The following ASH1L variants were observed in gnomAD, a reference collection of about 807,000 sequenced individuals.
ASH1L encodes ASH1 like histone lysine methyltransferase.
Under a neutral mutation model 269.0 loss-of-function variants are expected in ASH1L, and 23 were observed. The observed-to-expected ratio is 0.09, with a 90% CI of 0.06 to 0.12. The LOEUF (loss-of-function observed/expected upper bound fraction) is 0.12. ASH1L is among the 10% of genes least tolerant of loss of function. ASH1L has a pLI of 1.00. For missense variants in ASH1L, 2,912 were observed against 3,567.8 expected (o/e 0.82, Z 4.68); for synonymous variants, 1,187 against 1,253.5 (o/e 0.95, Z 1.12).
At chr1:155,522,628 T>C (rs1427748222) in intron 1 of ASH1L, among the ~76,000 whole-genome samples, 1 of 152,126 alleles carries the variant, frequency 6.6e-6, no homozygotes, top group East Asian at 1.9e-4. Context: ...ACTCCCATTT[T>C]AAATATAAAG....
chr1:155,446,203 A>C (rs1206173107), intron 4 of ASH1L, among the ~76,000 whole-genome samples: 2 of 151,476 alleles, frequency 1.3e-5, no homozygotes, highest in Non-Finnish European at 2.9e-5. Context: ...TTTATTATAC[A>C]GATCCCGTAC....
chr1:155,491,636 CTCTT>C (rs1445526894), intron 2 of ASH1L, among the ~76,000 whole-genome samples: 2 of 152,032 alleles, frequency 1.3e-5, no homozygotes, highest in Non-Finnish European at 2.9e-5. Context: ...ATAAAATAGT[CTCTT>C]TAACTTTATA....
chr1:155,408,421 G>GA (rs1659492369), intron 6 of ASH1L, among the ~76,000 whole-genome samples: 1 of 152,046 alleles, frequency 6.6e-6, no homozygotes, highest in African/African-American at 2.4e-5. Context: ...AAAAGCACAT[G>GA]AAAAATTCAG....
chr1:155,545,207 A>AAAG (rs1670720124), intron 1 of ASH1L, among the ~76,000 whole-genome samples: 1 of 145,036 alleles, frequency 6.9e-6, no homozygotes, highest in Non-Finnish European at 1.5e-5. Flanking sequence ...AAAAAAAAAA[A>AAAG]GCTATGTTTT....
chr1:155,349,822 A>C (rs975432482), intron 17 of ASH1L, among the ~76,000 whole-genome samples: 2 of 143,124 alleles, frequency 1.4e-5, no homozygotes, highest in African/African-American at 5.3e-5. Flanking sequence ...AGTTCAAGCG[A>C]TTCTCCTGCC....
chr1:155,360,942 C>CCAAGAGTT (rs1241253513), intron 12 of ASH1L, among the ~76,000 whole-genome samples: 1 of 151,778 alleles, frequency 6.6e-6, no homozygotes. Context: ...TCACCTGAGG[C>CCAAGAGTT]CAAGAGTTCA....
intron 5 of ASH1L, chr1:155,433,477 A>G (rs757205167): frequency 2.5e-6 from 4 of 1,610,744 alleles, no homozygotes; most frequent in South Asian, 2.2e-5. Flanking sequence ...AGGGCGAAGC[A>G]GGAGTCAGGG....
In ASH1L at chr1:155,481,536, T is replaced by C. The variant is rs1453452133; in HGVS notation, c.1334A>G (p.Asn445Ser). 15 of 1,614,080 alleles carry C rather than the reference T, an allele frequency of 9.3e-6. No homozygotes were observed. In the Admixed American group the frequency reaches 2.0e-4, roughly 22 times the overall value. Residue 445 changes from asparagine (N) to serine (S), a missense_variant, in exon 3 of 28, where the codon AAT becomes AGT. By Grantham distance (46) the Asn-to-Ser change is conservative (BLOSUM62 1). Coordinates refer to ENST00000392403, the MANE Select transcript of ASH1L (RefSeq NM_018489.3). ...AGAAAGTTCCTGACTTTCCTGATTA[T>C]TGATGTTTGTACTACAAGAAGCCTT... Reference protein sequence around the residue: ...PLKASCSTNINNQESQELSES... With the variant: ...PLKASCSTNISNQESQELSES...
intron 22 of ASH1L, 125 bp downstream of exon 22, chr1:155,344,057 TA>T: frequency 1.2e-6 from 1 of 804,134 alleles, no homozygotes; most frequent in Non-Finnish European, 2.0e-6. Flanking sequence ...ACTACAGATA[TA>T]AAAACTTATA....
chr1:155,528,712 ATTTAACTTTTATT>A (rs1167175707), intron 1 of ASH1L, among the ~76,000 whole-genome samples: 2 of 152,100 alleles, frequency 1.3e-5, no homozygotes, highest in Non-Finnish European at 2.9e-5. Context: ...TTTTTAATAT[ATTTAACTTTTATT>A]CTAAGTTCAG....
At position 155,562,197 on chromosome 1, in the gene ASH1L, G is replaced by A. The variant is rs758000426; in HGVS notation, c.-144C>T. The A allele has an allele frequency of 8.1e-6, 13 of 1,607,922 alleles. No individual in the cohort carries two copies. The highest frequency in any genetic ancestry group is 4.5e-5 in the East Asian group (2 of 44,820). Reference sequence around the variant, plus strand: ...GAGGCCGAGAGCGATGAGAGTGCAGGGAAGTGGGGAAGAGGGGGTGGCCGC... The same window carrying A: ...GAGGCCGAGAGCGATGAGAGTGCAGAGAAGTGGGGAAGAGGGGGTGGCCGC... On this transcript the variant is annotated 5_prime_UTR_variant, in exon 1 of 28. Coordinates refer to ENST00000392403, the MANE Select transcript of ASH1L (RefSeq NM_018489.3).
intron 1 of ASH1L, among the ~76,000 whole-genome samples, chr1:155,558,233 C>T (rs1055384813): frequency 6.6e-6 from 1 of 152,140 alleles, no homozygotes; most frequent in Non-Finnish European, 1.5e-5. Flanking sequence ...CTTTGGGAGG[C>T]CGAGGCGGGT....
intron 2 of ASH1L, among the ~76,000 whole-genome samples, chr1:155,506,835 T>C (rs1006034155): frequency 1.3e-5 from 2 of 152,186 alleles, no homozygotes; most frequent in Non-Finnish European, 2.9e-5. Context: ...GGCTCACACC[T>C]GTAATCCTAG....
At chr1:155,337,977 A>T in intron 27 of ASH1L, 112 bp downstream of exon 27, 1 of 1,205,106 alleles carries the variant, frequency 8.3e-7, no homozygotes, top group Non-Finnish European at 1.1e-6. Context: ...TAAAAGAACT[A>T]TACCATTTTC....
At chr1:155,517,622 G>A (rs1415526184) in intron 2 of ASH1L, among the ~76,000 whole-genome samples, 3 of 146,438 alleles carry the variant, frequency 2.0e-5, no homozygotes, top group African/African-American at 4.9e-5. Flanking sequence ...CAGCCTAGGC[G>A]ACAGAGTAAG....
chr1:155,386,186 G>A (rs1657413970), intron 7 of ASH1L, among the ~76,000 whole-genome samples: 1 of 151,388 alleles, frequency 6.6e-6, no homozygotes, highest in African/African-American at 2.4e-5. Flanking sequence ...TCCCGCCTCA[G>A]CCTCCCAAGT....
intron 4 of ASH1L, among the ~76,000 whole-genome samples, chr1:155,458,026 T>G (rs956978186): frequency 6.6e-6 from 1 of 152,168 alleles, no homozygotes; most frequent in African/African-American, 2.4e-5. Flanking sequence ...ATTCTTAGCT[T>G]GAGGGCTACA....
In ASH1L at chr1:155,370,879, C is replaced by G. The variant is rs200512672; in HGVS notation, c.6437G>C (p.Arg2146Pro). ...GATTCCCCAACCTTTTTCCTCAGCT[C>G]GAAATCGTTCTAGACATTGCACCCA... ...HEWVQCLERF[R>P]AEEKGWGIRT... Residue 2146 changes from arginine (R) to proline (P), a missense_variant, in exon 11 of 28, where the codon CGA (arginine) becomes CCA (proline). This residue lies in a region of ASH1L where 193 missense variants were observed against 311.6 expected (regional missense o/e 0.62). Transcript: ENST00000392403. 1.2e-6 allele frequency: 2 copies of G among 1,614,088 alleles called. No individual in the cohort carries two copies. Among genetic ancestry groups the G allele is most frequent in the South Asian group, 2.2e-5 (2 of 91,080 alleles).
chr1:155,405,389 C>T (rs1371970272), intron 6 of ASH1L, among the ~76,000 whole-genome samples: 1 of 151,360 alleles, frequency 6.6e-6, no homozygotes, highest in Non-Finnish European at 1.5e-5. Flanking sequence ...GGCTGAGGCA[C>T]GAGAATCACT....
Sources: allele counts gnomAD v4.1 joint callset (sites outside exome capture counted in the v4.1 genomes callset), GRCh38; gene constraint gnomAD v4.1.1; regional missense constraint gnomAD v4.1.1; transcripts MANE v1.5; gene names NCBI Gene and HGNC (gene_info 2026-07-23, HGNC 2026-07-21).